The following SAMD3 variants were observed in gnomAD, a reference collection of about 807,000 sequenced individuals.
SAMD3 encodes sterile alpha motif domain-containing protein 3.
Under a neutral mutation model 58.5 loss-of-function variants are expected in SAMD3, and 63 were observed. That is an observed-to-expected ratio of 1.08 (90% CI 0.88 to 1.33). The LOEUF (loss-of-function observed/expected upper bound fraction) is 1.33. SAMD3 is among the 40% of genes most tolerant of loss of function. The pLI is 0.00. For missense variants in SAMD3, 604 were observed against 608.4 expected (o/e 0.99, Z 0.08); for synonymous variants, 220 against 210.3 (o/e 1.05, Z -0.40).
In SAMD3 at chr6:130,323,444, A is replaced by AT. The variant is rs146122392; in HGVS notation, c.-303-10352dup. On this transcript the variant is annotated intron_variant, in intron 1 of 13. Transcript: ENST00000368134. Reference sequence around the variant, plus strand: ...AATATTTTGCAAGGTAAAATTTCCAATTTTTTTTTTTTTTGTATGATGAGT... The same window carrying AT: ...AATATTTTGCAAGGTAAAATTTCCAATTTTTTTTTTTTTTTGTATGATGAGT... Among the ~76,000 whole-genome samples, 849 of 148,024 alleles carry AT rather than the reference A, an allele frequency of 5.7e-3. 7 individuals carry two copies. The highest frequency in any genetic ancestry group is 0.013 in the South Asian group (62 of 4,692).
intron 2 of SAMD3, among the ~76,000 whole-genome samples, chr6:130,279,487 CTTTT>C (rs397886882): frequency 8.1e-6 from 1 of 123,368 alleles, no homozygotes; most frequent in Non-Finnish European, 1.6e-5. Context: ...TCAATTAAAC[CTTTT>C]TTTTTTTTTT....
intron 1 of SAMD3, among the ~76,000 whole-genome samples, chr6:130,319,483 A>G (rs1392870774): frequency 6.6e-6 from 1 of 152,202 alleles, no homozygotes; most frequent in Non-Finnish European, 1.5e-5. Context: ...ACAACAGTGG[A>G]GCAACATCAG....
rs181734533 is a variant in SAMD3, at chr6:130,233,053, T to C, written c.-187-10240A>G. ...TCAGGAAGGACAGCACAATGAGTTTTCCAAACTTCAAAGTCTGAGGGCACA... is the reference window on the plus strand; with the variant it reads ...TCAGGAAGGACAGCACAATGAGTTTCCCAAACTTCAAAGTCTGAGGGCACA... On this transcript the variant is annotated intron_variant, in intron 2 of 13. Transcript: ENST00000368134. Among the ~76,000 whole-genome samples the C allele has an allele frequency of 3.5e-3, 534 of 152,154 alleles. 5 individuals are homozygous for C. The highest frequency in any genetic ancestry group is 0.012 in the African/African-American group (482 of 41,512).
intron 2 of SAMD3, among the ~76,000 whole-genome samples, chr6:130,240,858 G>T (rs943178348): frequency 6.6e-6 from 1 of 152,132 alleles, no homozygotes; most frequent in Non-Finnish European, 1.5e-5. Flanking sequence ...TGTGAGGGAA[G>T]AAATTTTTGT....
intron 1 of SAMD3, among the ~76,000 whole-genome samples, chr6:130,351,720 C>T (rs1023621403): frequency 6.6e-6 from 1 of 152,106 alleles, no homozygotes; most frequent in African/African-American, 2.4e-5. Context: ...TGGGTATATA[C>T]CCAAAGGATT....
Position 130,154,250 on chromosome 6 carries a change from TA to T in SAMD3, c.1023+574del, listed in dbSNP as rs560179322. 2.4e-3 allele frequency among the ~76,000 whole-genome samples: 282 copies of T among 115,834 alleles called. 3 individuals are homozygous for T. The highest frequency in any genetic ancestry group is 8.1e-3 in the African/African-American group (259 of 31,878). 76.0% of individuals were successfully genotyped at this position (115,834 alleles called of 152,430 possible). A position where few individuals can be genotyped will look rare whatever the true frequency, so the allele number is the denominator to read the frequency against. ...TACTGAAATTCTTTTTTTTTTTTTTTAATTTTTCCTTTTTCATGGTTAGGAA... is the reference window on the plus strand; with the variant it reads ...TACTGAAATTCTTTTTTTTTTTTTTTATTTTTCCTTTTTCATGGTTAGGAA... On this transcript the variant is annotated intron_variant, in intron 9 of 11. Transcript: ENST00000439090.
intron 1 of SAMD3, chr6:130,365,074 G>C: frequency 1.5e-6 from 1 of 650,412 alleles, no homozygotes; most frequent in Non-Finnish European, 1.9e-6. Flanking sequence ...TGCACAGGGG[G>C]TGGTTGGAAT....
chr6:130,224,307 C>A (rs1204357233), upstream of SAMD3, among the ~76,000 whole-genome samples: 2 of 151,942 alleles, frequency 1.3e-5, no homozygotes, highest in Non-Finnish European at 1.5e-5. Context: ...TTGGAAAATG[C>A]AACATTTGGG....
At chr6:130,289,472 G>C (rs1775286779) in intron 2 of SAMD3, among the ~76,000 whole-genome samples, 1 of 146,934 alleles carries the variant, frequency 6.8e-6, no homozygotes, top group Admixed American at 7.1e-5. Flanking sequence ...ATTTATTTGA[G>C]AGGTAGTAAA....
At chr6:130,193,162 G>T (rs1793711485) in intron 5 of SAMD3, among the ~76,000 whole-genome samples, 2 of 152,072 alleles carry the variant, frequency 1.3e-5, no homozygotes, top group African/African-American at 2.4e-5. Context: ...TTCACCTTTA[G>T]CAGGAAGTCC....
chr6:130,194,650 G>T (rs149819578), intron 5 of SAMD3, among the ~76,000 whole-genome samples: 3,835 of 152,296 alleles, frequency 0.025, 70 homozygotes, highest in Middle Eastern at 0.041. Flanking sequence ...GCCAAGGAAT[G>T]CTCACAGCCC....
intron 9 of SAMD3, among the ~76,000 whole-genome samples, chr6:130,152,994 A>G (rs1789364592): frequency 6.6e-6 from 1 of 152,122 alleles, no homozygotes; most frequent in Non-Finnish European, 1.5e-5. Context: ...TCCAATGAAG[A>G]CCCCTAAGGC....
exon 1 of SAMD3, chr6:130,365,266 G>C (rs933267273): frequency 1.1e-5 from 11 of 985,422 alleles, no homozygotes; most frequent in Non-Finnish European, 1.3e-5. Context: ...TTGATGTTTG[G>C]AGTCGAACAT....
chr6:130,266,048 T>C (rs984435280), intron 2 of SAMD3, among the ~76,000 whole-genome samples: 5 of 152,092 alleles, frequency 3.3e-5, no homozygotes, highest in Non-Finnish European at 7.4e-5. Context: ...TGTAACCCCT[T>C]AGAACTAGTA....
intron 9 of SAMD3, among the ~76,000 whole-genome samples, chr6:130,147,378 T>C (rs1490483076): frequency 6.6e-6 from 1 of 152,202 alleles, no homozygotes; most frequent in Non-Finnish European, 1.5e-5. Flanking sequence ...ACCACTAATC[T>C]AGATTAATAC....
intron 2 of SAMD3, among the ~76,000 whole-genome samples, chr6:130,273,074 T>A (rs539552536): frequency 1.7e-4 from 26 of 152,088 alleles, no homozygotes; most frequent in East Asian, 5.8e-4. Flanking sequence ...TCTTTTTTTT[T>A]AATTTTATTT....
At chr6:130,360,825 C>T (rs1275799086) in intron 1 of SAMD3, among the ~76,000 whole-genome samples, 1 of 152,170 alleles carries the variant, frequency 6.6e-6, no homozygotes, top group East Asian at 1.9e-4. Flanking sequence ...ATTTTAGAGA[C>T]CCACCCTCAG....
chr6:130,287,876 C>T (rs996599509), intron 2 of SAMD3, among the ~76,000 whole-genome samples: 1 of 149,268 alleles, frequency 6.7e-6, no homozygotes, highest in African/African-American at 2.5e-5. Flanking sequence ...ACCCGGGAGG[C>T]GGAGGTTGCA....
chr6:130,362,022 C>T (rs570080709), intron 1 of SAMD3, among the ~76,000 whole-genome samples: 31 of 152,272 alleles, frequency 2.0e-4, no homozygotes, highest in African/African-American at 5.1e-4. Flanking sequence ...CCCGGCTGTT[C>T]GGGTCAAAGG....
Sources: gnomAD v4.1 joint callset for allele counts (sites outside exome capture counted in the v4.1 genomes callset) on GRCh38, gnomAD v4.1.1 for gene constraint, MANE v1.5 for transcripts, NCBI Gene and HGNC (gene_info 2026-07-23, HGNC 2026-07-21) for gene names.